The following FRRS1L variants were observed in gnomAD, a reference collection of about 807,000 sequenced individuals.
FRRS1L encodes the protein DOMON domain-containing protein FRRS1L.
A neutral mutation model predicts 28.6 loss-of-function variants in FRRS1L; 22 were observed. That is an observed-to-expected ratio of 0.77 (90% CI 0.55 to 1.10). FRRS1L has a LOEUF of 1.10. Ranked by LOEUF, FRRS1L falls within the 50% of genes least tolerant of loss-of-function variation. The pLI is 0.00. For synonymous variants in FRRS1L, 158 were observed against 151.4 expected, an observed-to-expected ratio of 1.04 and a Z score of -0.32; for missense variants, 380 against 386.9, an observed-to-expected ratio of 0.98 and a Z score of 0.15.
intron 3 of FRRS1L, among the ~76,000 whole-genome samples, chr9:109,141,955 A>C (rs1428822884): frequency 2.6e-5 from 4 of 151,306 alleles, no homozygotes; most frequent in Admixed American, 6.6e-5. Flanking sequence ...AGACCAAAAA[A>C]AGAAAAAAAA....
At chr9:109,152,533 G>A (rs536539670) in intron 1 of FRRS1L, among the ~76,000 whole-genome samples, 1 of 151,798 alleles carries the variant, frequency 6.6e-6, no homozygotes, top group East Asian at 2.0e-4. Flanking sequence ...AGCTGGGCAT[G>A]GTGGCTCACA....
chr9:109,146,122 G>A (rs1055281919), intron 3 of FRRS1L, among the ~76,000 whole-genome samples: 1 of 151,094 alleles, frequency 6.6e-6, no homozygotes, highest in African/African-American at 2.4e-5. Flanking sequence ...GCTTGAACCT[G>A]GGAGGTGCAG....
chr9:109,160,973 G>A (rs951433488), intron 1 of FRRS1L, among the ~76,000 whole-genome samples: 1 of 151,550 alleles, frequency 6.6e-6, no homozygotes, highest in East Asian at 1.9e-4. Flanking sequence ...TTGTATTTTT[G>A]TAGAGACAGG....
intron 1 of FRRS1L, among the ~76,000 whole-genome samples, chr9:109,158,235 C>T (rs1010786424): frequency 6.6e-6 from 1 of 152,016 alleles, no homozygotes; most frequent in Non-Finnish European, 1.5e-5. Flanking sequence ...TGGTAAGTTG[C>T]ATTTTTTTTC....
At chr9:109,149,187 T>G (rs16913851) in intron 2 of FRRS1L, among the ~76,000 whole-genome samples, 26,338 of 152,192 alleles carry the variant, frequency 0.17, 2,565 homozygotes, top group African/African-American at 0.23. Flanking sequence ...ATGCCTGAGA[T>G]AACAAGCTAG....
At chr9:109,153,691 T>G (rs1257840825) in intron 1 of FRRS1L, among the ~76,000 whole-genome samples, 1 of 152,196 alleles carries the variant, frequency 6.6e-6, no homozygotes, top group Non-Finnish European at 1.5e-5. Context: ...ACAATCTTAT[T>G]GTGAACTGTG....
chr9:109,149,850 G>T, intron 1 of FRRS1L, 130 bp from the exon 2 acceptor site: 1 of 668,304 alleles, frequency 1.5e-6, no homozygotes, highest in South Asian at 1.8e-5. Flanking sequence ...AAATGGCTTT[G>T]ATGAAGGCTA....
intron 1 of FRRS1L, among the ~76,000 whole-genome samples, chr9:109,156,291 G>A (rs1831402255): frequency 6.6e-6 from 1 of 152,052 alleles, no homozygotes; most frequent in South Asian, 2.1e-4. Flanking sequence ...ATTCAGTTTG[G>A]GTCATCACTC....
intron 1 of FRRS1L, among the ~76,000 whole-genome samples, chr9:109,164,314 G>A (rs1486187494): frequency 5.9e-5 from 9 of 152,106 alleles, no homozygotes; most frequent in Admixed American, 4.6e-4. Context: ...TGAGGGAAGG[G>A]GAGATATGGT....
At chr9:109,159,848 T>A (rs1831458947) in intron 1 of FRRS1L, among the ~76,000 whole-genome samples, 1 of 152,088 alleles carries the variant, frequency 6.6e-6, no homozygotes, top group Non-Finnish European at 1.5e-5. Context: ...CATCTCTGGG[T>A]CTCCAGCCTG....
At chr9:109,160,842 G>T (rs1240506465) in intron 1 of FRRS1L, among the ~76,000 whole-genome samples, 2 of 144,582 alleles carry the variant, frequency 1.4e-5, no homozygotes, top group Non-Finnish European at 3.0e-5. Context: ...GCCCAAGCTG[G>T]AGTGCAATGG....
At position 109,137,563 on chromosome 9, in the gene FRRS1L, C is replaced by T; in HGVS notation, c.774G>A (p.Lys258=). ...CTGATGGCATAAAAATGTCTTCATA[C>T]TTGTAAATACTGACAACACGCTCTG... is the stretch of plus-strand genomic sequence containing the variant. ...PASERVVSIY[K]YEDIFMPSAA... is the part of the protein sequence containing the mutation. The change falls in exon 5 of 5, where the codon AAG becomes AAA. Residue 258 remains lysine, a synonymous_variant. Coordinates refer to ENST00000561981, the MANE Select transcript of FRRS1L (RefSeq NM_014334.4). 1 of 1,612,784 alleles carries T rather than the reference C, an allele frequency of 6.2e-7. No individual in the cohort carries two copies. The highest frequency in any genetic ancestry group is 8.5e-7 in the Non-Finnish European group (1 of 1,179,106).
At chr9:109,155,766 C>T (rs1278906482) in intron 1 of FRRS1L, among the ~76,000 whole-genome samples, 8 of 149,534 alleles carry the variant, frequency 5.3e-5, no homozygotes, top group East Asian at 2.0e-4. Flanking sequence ...GTGGTTGTCT[C>T]GAGCTGGGGT....
intron 3 of FRRS1L, among the ~76,000 whole-genome samples, chr9:109,146,414 C>A (rs1193769913): frequency 6.6e-6 from 1 of 151,974 alleles, no homozygotes; most frequent in Non-Finnish European, 1.5e-5. Context: ...GAACCCTTAA[C>A]CTGTGGGATC....
intron 1 of FRRS1L, among the ~76,000 whole-genome samples, chr9:109,161,430 A>G (rs191853688): frequency 1.3e-5 from 2 of 152,104 alleles, no homozygotes; most frequent in Admixed American, 1.3e-4. Context: ...CATGGACTCT[A>G]TAAGCTCTTT....
rs1831305195 is a variant in FRRS1L at position 109,149,627 on chromosome 9, T to A, written c.323+9A>T. The stretch of plus-strand genomic sequence containing the variant: ...GCCTTAAAGTTATCCAACCTGCAGT[T>A]CCACCAACCTAAAGCATCCCTTAGT... On this transcript the variant is annotated intron_variant, in intron 2 of 4. Coordinates refer to ENST00000561981, the MANE Select transcript of FRRS1L (RefSeq NM_014334.4). The A allele has an allele frequency of 1.3e-6, 2 of 1,593,830 alleles. No homozygotes were observed. The highest frequency in any genetic ancestry group is 1.7e-5 in the Admixed American group (1 of 59,942).
chr9:109,164,884 T>G (rs1295183511), intron 1 of FRRS1L, among the ~76,000 whole-genome samples: 3 of 152,248 alleles, frequency 2.0e-5, no homozygotes, highest in African/African-American at 7.2e-5. Context: ...AAGTCTTTCC[T>G]ACTTCATGGC....
intron 1 of FRRS1L, among the ~76,000 whole-genome samples, chr9:109,156,545 C>T (rs757203786): frequency 7.2e-5 from 11 of 152,014 alleles, no homozygotes; most frequent in South Asian, 2.1e-4. Flanking sequence ...TGGACCACCA[C>T]GCCCGGCTAA....
rs991898217 is a variant in FRRS1L at position 109,134,968 on chromosome 9, G to A, written c.*2487C>T. On this transcript the variant is annotated 3_prime_UTR_variant, in exon 5 of 5. Coordinates refer to ENST00000561981, the MANE Select transcript of FRRS1L (RefSeq NM_014334.4). ...GTCAAGGACTTGAACCAGGGGACTT[G>A]AGTTTGAATCCTACCCAGTTCCATT... The A allele has an allele frequency of 6.6e-6, 1 of 152,226 alleles. No homozygotes were observed. Among genetic ancestry groups the A allele is most frequent in the Non-Finnish European group, 1.5e-5 (1 of 68,054 alleles). 9.4% of individuals were successfully genotyped at this position (152,226 alleles called of 1,614,324 possible).
Sources: allele counts gnomAD v4.1 joint callset (sites outside exome capture counted in the v4.1 genomes callset), GRCh38; gene constraint gnomAD v4.1.1; transcripts MANE v1.5; gene names NCBI Gene and HGNC (gene_info 2026-07-23, HGNC 2026-07-21).